The following ADGRF5 variants were observed in gnomAD, a reference collection of about 807,000 sequenced individuals.
The protein encoded by ADGRF5 is G-protein coupled receptor 116.
Under a neutral mutation model 132.3 loss-of-function variants are expected in ADGRF5, and 75 were observed. The ratio of observed to expected loss-of-function variants is 0.57; its 90% CI spans 0.47 to 0.69. The LOEUF (loss-of-function observed/expected upper bound fraction) is 0.69, where lower values mean the gene tolerates loss of function less well. Among genes scored for constraint, ADGRF5 ranks in the 30% least tolerant of loss-of-function variants. ADGRF5 has a pLI of 0.00. For synonymous variants in ADGRF5, 629 were observed against 597.6 expected, an observed-to-expected ratio of 1.05 and a Z score of -0.77; for missense variants, 1,516 against 1,630.6, an observed-to-expected ratio of 0.93 and a Z score of 1.21.
At position 46,882,064 on chromosome 6, in the gene ADGRF5, G is replaced by C; in HGVS notation, c.656C>G (p.Thr219Ser). The C allele has an allele frequency of 1.2e-6, 2 of 1,609,888 alleles. No homozygotes were observed. The highest frequency in any genetic ancestry group is 1.7e-6 in the Non-Finnish European group (2 of 1,176,204). The change falls in exon 7 of 21, where the codon ACT (threonine) becomes AGT (serine). Residue 219 changes from threonine (T) to serine (S), a missense_variant. By Grantham distance (58) the Thr-to-Ser change is moderately conservative. Transcript: ENST00000283296. ...YGILPGFKGV[T>S]VTGFKSGSVV... The stretch of plus-strand genomic sequence containing the variant: ...GTATTCTTACTTGAACCCTGTCACA[G>C]TCACGCCCTTGAAGCCTGGTAAAAT...
intron 15 of ADGRF5, among the ~76,000 whole-genome samples, 185 bp downstream of exon 15, chr6:46,862,703 C>CTTTTTTTGTTTTTTTTTTTTT (rs1769909572): frequency 3.8e-5 from 1 of 26,506 alleles, no homozygotes; most frequent in Non-Finnish European, 6.0e-5. Flanking sequence ...TGAATTGAGG[C>CTTTTTTTGTTTTTTTTTTTTT]TTTTTTTTTT....
At chr6:46,946,618 G>T (rs1279284242) in intron 1 of ADGRF5, among the ~76,000 whole-genome samples, 4 of 152,168 alleles carry the variant, frequency 2.6e-5, no homozygotes, top group Admixed American at 6.5e-5. Context: ...GCCTAGTGAG[G>T]CTATGGGAAT....
rs374254222 is a variant in ADGRF5 at position 46,882,096 on chromosome 6, A to G, written c.624T>C (p.Gly208=). The stretch of plus-strand genomic sequence containing the variant: ...CCTTGAAGCCTGGTAAAATTCCGTA[A>G]CCCTTCCGGAACTGAAAAATAAAGC... ...KTDLETAFRK[G]YGILPGFKGV... The change falls in exon 7 of 21, where the codon GGT becomes GGC. Residue 208 remains glycine (G), a synonymous_variant. Coordinates refer to ENST00000283296, the MANE Select transcript of ADGRF5 (RefSeq NM_001098518.2). 2.5e-6 allele frequency: 4 copies of G among 1,610,202 alleles called. No homozygotes were observed. Among genetic ancestry groups the G allele is most frequent in the Non-Finnish European group, 3.4e-6 (4 of 1,176,636 alleles).
chr6:46,892,191 CACACACACACACACACACAG>C (rs1269155943), intron 3 of ADGRF5, among the ~76,000 whole-genome samples: 1 of 150,746 alleles, frequency 6.6e-6, no homozygotes, highest in Non-Finnish European at 1.5e-5. Flanking sequence ...CACACACACA[CACACACACACACACACACAG>C]AAAGAGAGAG....
At chr6:46,945,249 A>G (rs1778258850) in intron 1 of ADGRF5, among the ~76,000 whole-genome samples, 1 of 152,178 alleles carries the variant, frequency 6.6e-6, no homozygotes, top group Non-Finnish European at 1.5e-5. Context: ...AAGTGTTAAG[A>G]ATTGTGATTT....
intron 4 of ADGRF5, among the ~76,000 whole-genome samples, chr6:46,885,215 AAAG>A (rs1772939848): frequency 4.6e-5 from 7 of 150,686 alleles, no homozygotes; most frequent in Non-Finnish European, 8.9e-5. Flanking sequence ...AAAAAAAGAA[AAAG>A]AAAAAGAAAG....
At chr6:46,954,541 G>A (rs951816940) in intron 1 of ADGRF5, among the ~76,000 whole-genome samples, 4 of 151,728 alleles carry the variant, frequency 2.6e-5, no homozygotes, top group Admixed American at 1.3e-4. Flanking sequence ...AAGATGTACA[G>A]ATTTGAAAAA....
chr6:46,896,082 C>T (rs1478540524), intron 3 of ADGRF5, among the ~76,000 whole-genome samples: 1 of 152,156 alleles, frequency 6.6e-6, no homozygotes, highest in South Asian at 2.1e-4. Flanking sequence ...ATGGCAGAGT[C>T]GCATGTCTAG....
At chr6:46,951,811 C>G (rs1218252647) in intron 1 of ADGRF5, among the ~76,000 whole-genome samples, 2 of 152,186 alleles carry the variant, frequency 1.3e-5, no homozygotes, top group East Asian at 3.9e-4. Context: ...CTCCAGGAGT[C>G]ACGGGCAAAC....
intron 9 of ADGRF5, among the ~76,000 whole-genome samples, chr6:46,879,433 T>G (rs1772197512): frequency 6.6e-6 from 1 of 151,798 alleles, no homozygotes; most frequent in Non-Finnish European, 1.5e-5. Flanking sequence ...TGAGTTCTCA[T>G]GAGATCTGAT....
chr6:46,894,221 T>C (rs1773948130), intron 3 of ADGRF5, among the ~76,000 whole-genome samples: 1 of 152,226 alleles, frequency 6.6e-6, no homozygotes, highest in South Asian at 2.1e-4. Context: ...TCTTGACATA[T>C]TCTAGAAGGT....
Position 46,884,500 on chromosome 6 carries a change from T to C in ADGRF5, c.329-229A>G, listed in dbSNP as rs192391051. Among the ~76,000 whole-genome samples the C allele has an allele frequency of 1.5e-3, 234 of 152,348 alleles. 1 individual carries two copies. Among genetic ancestry groups the C allele is most frequent in the South Asian group, 5.4e-3 (26 of 4,824 alleles). ...ACTGCTGTGACGGTTGAGTGATGAA[T>C]GGCTAAGTCATCTTTTAGATAGTCA... On this transcript the variant is annotated intron_variant, in intron 4 of 20. Coordinates refer to ENST00000283296, the MANE Select transcript of ADGRF5 (RefSeq NM_001098518.2).
At chr6:46,933,304 C>T (rs1777655634) in intron 1 of ADGRF5, among the ~76,000 whole-genome samples, 1 of 152,126 alleles carries the variant, frequency 6.6e-6, no homozygotes, top group Non-Finnish European at 1.5e-5. Context: ...TTTCCATGTC[C>T]TACACATATC....
chr6:46,860,371 C>T (rs533089522), intron 16 of ADGRF5, among the ~76,000 whole-genome samples: 4 of 152,274 alleles, frequency 2.6e-5, no homozygotes, highest in East Asian at 3.9e-4. Flanking sequence ...TATCCTCCCA[C>T]GATTCCTTTA....
intron 1 of ADGRF5, among the ~76,000 whole-genome samples, chr6:46,948,614 T>G (rs1351712587): frequency 6.6e-6 from 1 of 152,134 alleles, no homozygotes; most frequent in African/African-American, 2.4e-5. Flanking sequence ...CAAGCCAAGA[T>G]CCTCAAACAG....
At chr6:46,860,984 A>G (rs1168451160) in intron 15 of ADGRF5, 90 bp from the exon 16 acceptor site, 2 of 968,370 alleles carry the variant, frequency 2.1e-6, no homozygotes, top group South Asian at 3.3e-5. Flanking sequence ...AATCTCTCAC[A>G]TCCGTTGTTT....
At chr6:46,877,977 G>C (rs1446615481) in intron 10 of ADGRF5, among the ~76,000 whole-genome samples, 1 of 152,120 alleles carries the variant, frequency 6.6e-6, no homozygotes, top group African/African-American at 2.4e-5. Flanking sequence ...CTGCTGCTGG[G>C]ATCTCATCTA....
chr6:46,903,035 A>G (rs1251775824), intron 2 of ADGRF5, among the ~76,000 whole-genome samples: 1 of 152,174 alleles, frequency 6.6e-6, no homozygotes, highest in Non-Finnish European at 1.5e-5. Flanking sequence ...GTGCTGAGGC[A>G]TGTCAGGTGC....
intron 10 of ADGRF5, among the ~76,000 whole-genome samples, chr6:46,876,034 T>C (rs1272297605): frequency 2.0e-5 from 3 of 152,246 alleles, no homozygotes; most frequent in African/African-American, 7.2e-5. Flanking sequence ...TGAGAGCAGG[T>C]CATTCATTCA....
Sources: allele counts gnomAD v4.1 joint callset (sites outside exome capture counted in the v4.1 genomes callset), GRCh38; gene constraint gnomAD v4.1.1; transcripts MANE v1.5; gene names NCBI Gene and HGNC (gene_info 2026-07-23, HGNC 2026-07-21).